The following NEO1 variants were observed in gnomAD, a reference collection of about 807,000 sequenced individuals.
The protein encoded by NEO1 is neogenin 1.
In NEO1, 63 loss-of-function variants were observed where a neutral mutation model predicts 159.7. The ratio of observed to expected loss-of-function variants is 0.39; its 90% CI spans 0.32 to 0.49. The LOEUF (loss-of-function observed/expected upper bound fraction) is 0.49, where lower values mean the gene tolerates loss of function less well. Among genes scored for constraint, NEO1 ranks in the 20% least tolerant of loss-of-function variants. The pLI is 0.85. For synonymous variants in NEO1, 633 were observed against 662.0 expected (o/e 0.96, Z 0.67); for missense variants, 1,615 against 1,831.0 (o/e 0.88, Z 2.15).
intron 1 of NEO1, among the ~76,000 whole-genome samples, chr15:73,062,946 G>A (rs2068047125): frequency 6.6e-6 from 1 of 152,168 alleles, no homozygotes; most frequent in African/African-American, 2.4e-5. Context: ...TGTAGTTCAT[G>A]ACACTTAGGA....
At chr15:73,281,778 CAT>C (rs1389438288) in intron 22 of NEO1, among the ~76,000 whole-genome samples, 3 of 152,116 alleles carry the variant, frequency 2.0e-5, no homozygotes, top group African/African-American at 7.2e-5. Flanking sequence ...GGTGGTTAGA[CAT>C]GTGTGGTGGG....
rs1348694624 is a variant in NEO1, at chr15:73,236,402, G to T, written c.1347G>T (p.Leu449=). The T allele has an allele frequency of 6.2e-7, 1 of 1,614,070 alleles. No homozygotes were observed. The highest frequency in any genetic ancestry group is 1.3e-5 in the African/African-American group (1 of 74,994). ...CTCCTCGGGATGTCGTGGCCTCCCT[G>T]GTCTCTACCCGCTTCATCAAATTGA... ...PSAPRDVVAS[L]VSTRFIKLTW... Residue 449 remains leucine, a synonymous_variant, in exon 8 of 29, where the codon CTG becomes CTT. Coordinates refer to ENST00000261908, the MANE Select transcript of NEO1 (RefSeq NM_002499.4).
rs2041101729 is a variant in NEO1, at chr15:73,270,068, C to T, written c.2553C>T (p.Pro851=). The change falls in exon 17 of 29, where the codon CCC becomes CCT. Residue 851 remains proline (P), a synonymous_variant. Transcript: ENST00000261908. ...CTCCATACACTCCAGTGCCAGATCCCACTCCCATGATGCCACCAGTGGGAG... is the reference window on the plus strand; with the variant it reads ...CTCCATACACTCCAGTGCCAGATCCTACTCCCATGATGCCACCAGTGGGAG... ...INAPYTPVPD[P]TPMMPPVGVQ... The T allele has an allele frequency of 2.5e-6, 4 of 1,614,158 alleles. No homozygotes were observed. Among genetic ancestry groups the T allele is most frequent in the East Asian group, 2.2e-5 (1 of 44,876 alleles).
intron 1 of NEO1, among the ~76,000 whole-genome samples, chr15:73,111,084 T>C (rs761629996): frequency 1.3e-5 from 2 of 152,216 alleles, no homozygotes; most frequent in Non-Finnish European, 2.9e-5. Context: ...GTGTTCTCCC[T>C]GTACGCTCTC....
At chr15:73,142,848 T>A (rs1011218529) in intron 5 of NEO1, among the ~76,000 whole-genome samples, 2 of 152,208 alleles carry the variant, frequency 1.3e-5, no homozygotes, top group Non-Finnish European at 2.9e-5. Flanking sequence ...AAGATTCTTA[T>A]AACCTCCCCC....
chr15:73,201,663 A>G (rs980712415), intron 7 of NEO1, among the ~76,000 whole-genome samples: 1 of 152,080 alleles, frequency 6.6e-6, no homozygotes. Flanking sequence ...AAGGGTATTT[A>G]AACTCTCCAG....
Position 73,254,837 on chromosome 15 carries a change from A to G in NEO1, c.2092+8A>G, listed in dbSNP as rs150158027. On this transcript the variant is annotated splice_region_variant and intron_variant, in intron 13 of 28. Coordinates refer to ENST00000261908, the MANE Select transcript of NEO1 (RefSeq NM_002499.4). ...TGTCTCAGCTGATTGAAGGTAAGCT[A>G]CCGTGCACAAAGGCAAAAGGTACAC... is the stretch of plus-strand genomic sequence containing the variant. 1,953 of 1,610,942 alleles carry G rather than the reference A, an allele frequency of 1.2e-3. 2 individuals carry two copies. The highest frequency in any genetic ancestry group is 1.6e-3 in the Non-Finnish European group (1,844 of 1,178,894).
chr15:73,228,389 G>C (rs754488621), intron 7 of NEO1, among the ~76,000 whole-genome samples: 1 of 149,288 alleles, frequency 6.7e-6, no homozygotes. Context: ...ACTATTCAAA[G>C]CTATTGCCTT....
chr15:73,222,091 A>ATTTTTTTTTTTTTTTTTTTTTTT (rs71137336), intron 7 of NEO1: 2 of 53,046 alleles, frequency 3.8e-5, no homozygotes, highest in African/African-American at 6.8e-5. Context: ...CCTGTTGGTA[A>ATTTTTTTTTTTTTTTTTTTTTTT]TTTTTTTTTT....
At chr15:73,238,891 C>T in intron 8 of NEO1, among the ~76,000 whole-genome samples, 1 of 152,036 alleles carries the variant, frequency 6.6e-6, no homozygotes, top group Middle Eastern at 3.2e-3. Context: ...CTGGGTCACC[C>T]AGGCTGGAGT....
chr15:73,061,076 A>G (rs2067954593), intron 1 of NEO1, among the ~76,000 whole-genome samples: 1 of 152,236 alleles, frequency 6.6e-6, no homozygotes, highest in Admixed American at 6.5e-5. Context: ...CCGAGTCCCA[A>G]AGGACTTTGT....
chr15:73,195,300 G>T (rs1199385367), intron 7 of NEO1, among the ~76,000 whole-genome samples: 1 of 152,164 alleles, frequency 6.6e-6, no homozygotes, highest in Non-Finnish European at 1.5e-5. Context: ...TTTAAAAGAT[G>T]CTAAATTATA....
chr15:73,256,522 T>C (rs141582852), intron 13 of NEO1, among the ~76,000 whole-genome samples: 2 of 152,232 alleles, frequency 1.3e-5, no homozygotes, highest in African/African-American at 4.8e-5. Flanking sequence ...ATGTTTTTAC[T>C]TGTTTATGGG....
chr15:73,266,247 C>T (rs1173399387), intron 15 of NEO1, 69 bp from the exon 16 acceptor site: 47 of 1,210,520 alleles, frequency 3.9e-5, no homozygotes. Flanking sequence ...TAAGATTATG[C>T]ACAGCCACCC....
intron 7 of NEO1, among the ~76,000 whole-genome samples, chr15:73,192,287 T>G (rs1469426816): frequency 6.6e-6 from 1 of 152,044 alleles, no homozygotes; most frequent in Admixed American, 6.6e-5. Context: ...AAACTTTTTA[T>G]TTGCAGAAGT....
At chr15:73,063,298 A>T (rs1267487656) in intron 1 of NEO1, among the ~76,000 whole-genome samples, 2 of 151,940 alleles carry the variant, frequency 1.3e-5, no homozygotes, top group East Asian at 3.9e-4. Context: ...ATAACCACCC[A>T]CTCTACTGGG....
chr15:73,073,331 G>A (rs1755341432), intron 1 of NEO1, among the ~76,000 whole-genome samples: 1 of 152,086 alleles, frequency 6.6e-6, no homozygotes, highest in Non-Finnish European at 1.5e-5. Context: ...GAATTTGGAA[G>A]CAGGTTGAGG....
chr15:73,069,516 A>ATAGTT (rs1416664429), intron 1 of NEO1, among the ~76,000 whole-genome samples: 1 of 151,952 alleles, frequency 6.6e-6, no homozygotes, highest in Admixed American at 6.6e-5. Context: ...AACATTGATA[A>ATAGTT]TAGTTTTTAT....
In NEO1 at chr15:73,126,400, A is replaced by ATT. The variant is rs747845315; in HGVS notation, c.725-4_725-3dup. ...TGTCCTTTAATTATTGTCTTTGTTA[A>ATT]TTTTTTTTTTTTTTAGATCCTGAGG... On this transcript the variant is annotated splice_polypyrimidine_tract_variant and intron_variant, in intron 3 of 28. Transcript: ENST00000261908. The ATT allele has an allele frequency of 2.3e-4, 298 of 1,309,992 alleles. No homozygotes were observed. The highest frequency in any genetic ancestry group is 5.9e-4 in the South Asian group (42 of 70,666). The allele number at this position is 1,309,992 out of a possible 1,614,324, so 81.1% of individuals were successfully genotyped here.
Sources: allele counts gnomAD v4.1 joint callset (sites outside exome capture counted in the v4.1 genomes callset), GRCh38; gene constraint gnomAD v4.1.1; transcripts MANE v1.5; gene names NCBI Gene and HGNC (gene_info 2026-07-23, HGNC 2026-07-21).